LPCAT2: variants seen among roughly 807,000 people sequenced by gnomAD.
LPCAT2 encodes 1-AGP acyltransferase 11.
LPCAT2 carries 58 observed loss-of-function variants against 64.7 expected under a neutral mutation model. The observed-to-expected ratio is 0.90, with a 90% CI of 0.73 to 1.12. LPCAT2 has a LOEUF of 1.12. LPCAT2 is among the 50% of genes most tolerant of loss of function. The probability of loss-of-function intolerance (pLI) is 0.00; values close to 1 mark genes in which losing one functional copy is unlikely to be tolerated. For missense variants in LPCAT2, 579 were observed against 669.8 expected (o/e 0.86, Z 1.50); for synonymous variants, 252 against 245.3 (o/e 1.03, Z -0.26).
At position 55,584,570 on chromosome 16, in the gene LPCAT2, T is replaced by C. The variant is rs974109237; in HGVS notation, c.*1472T>C. On this transcript the variant is annotated 3_prime_UTR_variant, in exon 14 of 14. Coordinates refer to ENST00000262134, the MANE Select transcript of LPCAT2 (RefSeq NM_017839.5). ...ATAATGTACAAAAATAGTTGGTTCA[T>C]TTTCTGAATTCAGTCTTTGAAATAA... 11 of 152,190 alleles carry C rather than the reference T, an allele frequency of 7.2e-5. No homozygotes were observed. The highest frequency in any genetic ancestry group is 2.6e-4 in the Admixed American group (4 of 15,286). The allele number at this position is 152,190 out of a possible 1,614,324, so 9.4% of individuals were successfully genotyped here.
intron 11 of LPCAT2, chr16:55,566,684 A>C: frequency 6.7e-7 from 1 of 1,492,424 alleles, no homozygotes. Flanking sequence ...CATGTAAACT[A>C]CTTGAACTCC....
At chr16:55,561,383 T>C (rs1388280887) in intron 11 of LPCAT2, among the ~76,000 whole-genome samples, 7 of 151,032 alleles carry the variant, frequency 4.6e-5, no homozygotes, top group African/African-American at 1.2e-4. Flanking sequence ...TTTTTTTTTT[T>C]TTGCAGATAT....
chr16:55,509,991 C>CTTTTTTTTTTTTTTTTTTTTTTT lies in LPCAT2; in HGVS notation c.171+656_171+657insTTTTTTTTTTTTTTTTTTTTTTT, dbSNP rs57496150. Among the ~76,000 whole-genome samples the CTTTTTTTTTTTTTTTTTTTTTTT allele has an allele frequency of 5.9e-5, 6 of 102,538 alleles. 1 individual carries two copies. The highest frequency in any genetic ancestry group is 7.6e-5 in the Non-Finnish European group (4 of 52,388). 67.3% of individuals were successfully genotyped at this position (102,538 alleles called of 152,430 possible). On this transcript the variant is annotated intron_variant, in intron 1 of 13. Transcript: ENST00000262134. ...TACGGGAGAGTAGATTTGAAGAAGTCTTTTTTTTTTTTTTTTTGCCTTAGG... is the reference window on the plus strand; with the variant it reads ...TACGGGAGAGTAGATTTGAAGAAGTCTTTTTTTTTTTTTTTTTTTTTTTTTTTTTTTTTTTTTTTTGCCTTAGG...
intron 11 of LPCAT2, among the ~76,000 whole-genome samples, chr16:55,573,967 C>A (rs1252414805): frequency 6.6e-6 from 1 of 152,110 alleles, no homozygotes; most frequent in African/African-American, 2.4e-5. Flanking sequence ...TTACAATAAT[C>A]AATTTCTTCC....
Position 55,509,374 on chromosome 16 carries a change from G to T in LPCAT2, c.171+22G>T, listed in dbSNP as rs1329120556. On this transcript the variant is annotated intron_variant, in intron 1 of 13. Transcript: ENST00000262134. ...CCAGGTGAGGGGCGTGGGTCTGAGG[G>T]GAGAGGTGGTCTGAGGGGGGCCTAG... 4 of 1,377,672 alleles carry T rather than the reference G, an allele frequency of 2.9e-6. No homozygotes were observed. In the African/African-American group the frequency reaches 4.5e-5, roughly 16 times the overall value. 85.3% of individuals were successfully genotyped at this position (1,377,672 alleles called of 1,614,324 possible).
intron 7 of LPCAT2, among the ~76,000 whole-genome samples, chr16:55,537,117 C>T (rs144166668): frequency 4.8e-4 from 73 of 152,044 alleles, no homozygotes; most frequent in African/African-American, 1.6e-3. Flanking sequence ...GCCTTTGAGT[C>T]TGTGTTGTCA....
chr16:55,583,807 C>T lies in LPCAT2; in HGVS notation c.*709C>T, dbSNP rs1359001951. 3 of 152,148 alleles carry T rather than the reference C, an allele frequency of 2.0e-5. No individual in the cohort carries two copies. The highest frequency in any genetic ancestry group is 6.6e-5 in the Admixed American group (1 of 15,250). The allele number at this position is 152,148 out of a possible 1,614,324, so 9.4% of individuals were successfully genotyped here. A position where few individuals can be genotyped will look rare whatever the true frequency, so the allele number is the denominator to read the frequency against. On this transcript the variant is annotated 3_prime_UTR_variant, in exon 14 of 14. Coordinates refer to ENST00000262134, the MANE Select transcript of LPCAT2 (RefSeq NM_017839.5). ...AAGTGATTCTCGTACCTCAGACTCC[C>T]GAGTAGTTGGGATTACAGGTGCCCA...
Position 55,545,726 on chromosome 16 carries a change from G to T in LPCAT2, c.853-9G>T. ...GACATTGTTATGGAAAGGTATATTT[G>T]TCTTTCAGTTTATGCCAGTTCAAGT... On this transcript the variant is annotated splice_polypyrimidine_tract_variant and intron_variant, in intron 8 of 13. Coordinates refer to ENST00000262134, the MANE Select transcript of LPCAT2 (RefSeq NM_017839.5). 6.3e-7 allele frequency: 1 copy of T among 1,587,676 alleles called. No individual in the cohort carries two copies. Among genetic ancestry groups the T allele is most frequent in the Non-Finnish European group, 8.6e-7 (1 of 1,159,580 alleles).
intron 11 of LPCAT2, among the ~76,000 whole-genome samples, chr16:55,562,244 C>T (rs1359370034): frequency 6.6e-6 from 1 of 151,876 alleles, no homozygotes; most frequent in Non-Finnish European, 1.5e-5. Context: ...TCCTTTAGCT[C>T]TTCTGTGTTT....
intron 11 of LPCAT2, among the ~76,000 whole-genome samples, chr16:55,572,426 T>C (rs1270714429): frequency 6.6e-6 from 1 of 152,170 alleles, no homozygotes; most frequent in Admixed American, 6.5e-5. Flanking sequence ...TGTTGCTTAG[T>C]GGAAAAAGCT....
chr16:55,537,690 A>T, intron 8 of LPCAT2, 58 bp downstream of exon 8: 1 of 1,460,526 alleles, frequency 6.8e-7, no homozygotes, highest in Non-Finnish European at 9.6e-7. Context: ...TTTAATTTTG[A>T]ACCTCTAGTC....
Position 55,512,271 on chromosome 16 carries a change from A to C in LPCAT2, c.171+2919A>C, listed in dbSNP as rs72810798. Reference sequence around the variant, plus strand: ...TAACAGGACTAGTTTTAGTCTCAGGAATGGTGGAGTAGCTCAATGTAGACA... The same window carrying C: ...TAACAGGACTAGTTTTAGTCTCAGGCATGGTGGAGTAGCTCAATGTAGACA... On this transcript the variant is annotated intron_variant, in intron 1 of 13. Transcript: ENST00000262134. Among the ~76,000 whole-genome samples, 485 of 152,354 alleles carry C rather than the reference A, an allele frequency of 3.2e-3. 1 individual carries two copies. The highest frequency in any genetic ancestry group is 5.6e-3 in the Non-Finnish European group (382 of 68,036).
At chr16:55,567,736 G>A (rs921235422) in intron 11 of LPCAT2, 23 of 480,770 alleles carry the variant, frequency 4.8e-5, no homozygotes, top group African/African-American at 3.9e-4. Flanking sequence ...GATTTATATG[G>A]ACTTGCATAT....
chr16:55,550,772 T>A (rs1963507718), intron 10 of LPCAT2, among the ~76,000 whole-genome samples, 177 bp from the exon 11 acceptor site: 1 of 152,194 alleles, frequency 6.6e-6, no homozygotes, highest in Non-Finnish European at 1.5e-5. Flanking sequence ...AAATAAAAGA[T>A]TAAATGCCTG....
chr16:55,570,802 A>G (rs1424504284), intron 11 of LPCAT2, among the ~76,000 whole-genome samples: 2 of 152,202 alleles, frequency 1.3e-5, no homozygotes, highest in East Asian at 3.8e-4. Flanking sequence ...TCAATTATGT[A>G]TATGGGTAGA....
At chr16:55,555,688 T>TTC (rs1269060487) in intron 11 of LPCAT2, among the ~76,000 whole-genome samples, 1 of 152,262 alleles carries the variant, frequency 6.6e-6, no homozygotes, top group African/African-American at 2.4e-5. Context: ...GTGCCTGGAC[T>TTC]TCTCTTCTGG....
At chr16:55,517,704 G>C (rs1429888848) in intron 1 of LPCAT2, among the ~76,000 whole-genome samples, 1 of 152,052 alleles carries the variant, frequency 6.6e-6, no homozygotes, top group African/African-American at 2.4e-5. Context: ...ATTAACATGA[G>C]CACCATATTT....
intron 2 of LPCAT2, among the ~76,000 whole-genome samples, chr16:55,527,706 C>A (rs1163923909): frequency 2.6e-5 from 4 of 152,108 alleles, no homozygotes; most frequent in Admixed American, 6.6e-5. Flanking sequence ...ATGGCAGAAT[C>A]TTTTTTAAAG....
intron 11 of LPCAT2, among the ~76,000 whole-genome samples, chr16:55,568,915 GAC>G (rs1963737900): frequency 6.6e-6 from 1 of 152,138 alleles, no homozygotes; most frequent in African/African-American, 2.4e-5. Flanking sequence ...GGTGCCAGTA[GAC>G]ACAGCTAGAG....
Sources: allele counts gnomAD v4.1 joint callset (sites outside exome capture counted in the v4.1 genomes callset), GRCh38; gene constraint gnomAD v4.1.1; transcripts MANE v1.5; gene names NCBI Gene and HGNC (gene_info 2026-07-23, HGNC 2026-07-21).